DPYD: variants seen among roughly 807,000 people sequenced by gnomAD.
The protein encoded by DPYD is dihydropyrimidine dehydrogenase [NADP(+)].
A neutral mutation model predicts 116.2 loss-of-function variants in DPYD; 109 were observed. The observed-to-expected ratio is 0.94, with a 90% CI of 0.80 to 1.10. The LOEUF is 1.10. Among genes scored for constraint, DPYD ranks in the 50% least tolerant of loss-of-function variants. The pLI is 0.00. For synonymous variants in DPYD, 440 were observed against 432.0 expected (o/e 1.02, Z -0.23); for missense variants, 1,302 against 1,254.5 (o/e 1.04, Z -0.57).
chr1:97,805,670 A>C (rs10493895), intron 3 of DPYD, among the ~76,000 whole-genome samples: 24,879 of 151,578 alleles, frequency 0.16, 2,398 homozygotes, highest in Non-Finnish European at 0.22. Flanking sequence ...TTTTAGAGGC[A>C]TAAGAGATCT....
chr1:97,902,687 TATATA>T (rs1376782936), intron 1 of DPYD, among the ~76,000 whole-genome samples: 5 of 151,850 alleles, frequency 3.3e-5, no homozygotes, highest in African/African-American at 1.2e-4. Flanking sequence ...GGTATGTTGC[TATATA>T]ATAAGAGGTA....
At chr1:97,436,209 T>C (rs1261353204) in intron 14 of DPYD, among the ~76,000 whole-genome samples, 1 of 152,002 alleles carries the variant, frequency 6.6e-6, no homozygotes, top group East Asian at 1.9e-4. Context: ...TATGAAATAG[T>C]ACCAAATTGA....
intron 2 of DPYD, chr1:97,855,644 T>G (rs1281519085): frequency 6.6e-6 from 1 of 152,136 alleles, no homozygotes; most frequent in African/African-American, 2.4e-5. Context: ...GACAGAATGT[T>G]TCAGTTTTTA....
At chr1:97,886,632 G>A (rs1672500636) in intron 1 of DPYD, among the ~76,000 whole-genome samples, 1 of 152,030 alleles carries the variant, frequency 6.6e-6, no homozygotes, top group Non-Finnish European at 1.5e-5. Context: ...CAGTGGCCCA[G>A]AGATTTTTCC....
Position 97,193,051 on chromosome 1 carries a change from G to T in DPYD, c.2622+18C>A, listed in dbSNP as rs748019264. 2 of 1,613,392 alleles carry T rather than the reference G, an allele frequency of 1.2e-6. No homozygotes were observed. The highest frequency in any genetic ancestry group is 3.3e-5 in the Admixed American group (2 of 59,982). On this transcript the variant is annotated intron_variant, in intron 20 of 22. Transcript: ENST00000370192. ...AGGCTGAGTTCTCAAGAATAACACA[G>T]GAGATTTAAGCACATACCTTGTCCA...
chr1:97,194,893 G>A (rs909567424), intron 19 of DPYD, among the ~76,000 whole-genome samples: 1 of 152,134 alleles, frequency 6.6e-6, no homozygotes, highest in Non-Finnish European at 1.5e-5. Context: ...TGGAGTTAAG[G>A]AAGTTTGAAT....
rs949193316 is a variant in DPYD, at chr1:97,395,203, T to C, written c.1906-12742A>G. On this transcript the variant is annotated intron_variant, in intron 14 of 22. Coordinates refer to ENST00000370192, the MANE Select transcript of DPYD (RefSeq NM_000110.4). ...TTTAAATTATATATTTTAATATATA[T>C]TGTGCCTTTCTACATTCTAGAGACA... Among the ~76,000 whole-genome samples the C allele has an allele frequency of 1.8e-4, 27 of 150,876 alleles. 1 individual carries two copies. Among genetic ancestry groups the C allele is most frequent in the Middle Eastern group, 3.5e-3 (1 of 282 alleles).
rs1557929535 is a variant in DPYD, at chr1:97,195,632, G to GTGTA, written c.2443-2388_2443-2385dup. Reference sequence around the variant, plus strand: ...TATATATATGTATGTGTATATGTATGTGTATATATATATATATATATATAT... The same window carrying GTGTA: ...TATATATATGTATGTGTATATGTATGTGTATGTATATATATATATATATATATAT... On this transcript the variant is annotated intron_variant, in intron 19 of 22. Transcript: ENST00000370192. Among the ~76,000 whole-genome samples, 8 of 41,122 alleles carry GTGTA rather than the reference G, an allele frequency of 1.9e-4. 1 individual carries two copies. The highest frequency in any genetic ancestry group is 9.0e-4 in the South Asian group (1 of 1,106). The allele number at this position is 41,122 out of a possible 152,430, so 27.0% of individuals were successfully genotyped here.
At chr1:97,419,773 C>T (rs1417531093) in intron 14 of DPYD, among the ~76,000 whole-genome samples, 7 of 152,048 alleles carry the variant, frequency 4.6e-5, no homozygotes, top group Admixed American at 4.6e-4. Context: ...CAATTTTATC[C>T]ACTGAGTGAA....
Position 97,386,554 on chromosome 1 carries a change from C to T in DPYD, c.1906-4093G>A, listed in dbSNP as rs575449185. 6.6e-5 allele frequency among the ~76,000 whole-genome samples: 10 copies of T among 152,178 alleles called. No homozygotes were observed. The South Asian group carries it at 2.1e-3, about 32-fold the overall frequency. On this transcript the variant is annotated intron_variant, in intron 14 of 22. Transcript: ENST00000370192. Reference sequence around the variant, plus strand: ...CTTAAGGAAATTCTATTTTTACATTCTTGTTTCTATGATTTAACAGTCTTG... The same window carrying T: ...CTTAAGGAAATTCTATTTTTACATTTTTGTTTCTATGATTTAACAGTCTTG...
intron 19 of DPYD, among the ~76,000 whole-genome samples, chr1:97,195,525 A>G (rs1301213910): frequency 6.3e-5 from 1 of 15,810 alleles, no homozygotes; most frequent in African/African-American, 4.2e-4. Context: ...ATAAGGAGAG[A>G]GAGAGAGAGA....
chr1:97,745,790 TA>T (rs1047189326), intron 3 of DPYD, among the ~76,000 whole-genome samples: 9 of 152,012 alleles, frequency 5.9e-5, no homozygotes, highest in African/African-American at 2.2e-4. Context: ...AGGAAATAAC[TA>T]AAACACATTT....
At chr1:97,135,790 T>G (rs1194710602) in intron 20 of DPYD, among the ~76,000 whole-genome samples, 2 of 152,222 alleles carry the variant, frequency 1.3e-5, no homozygotes, top group Non-Finnish European at 2.9e-5. Context: ...GATAGCTGTC[T>G]TTTAAAAGCA....
At chr1:97,350,457 C>T (rs570397161) in intron 16 of DPYD, among the ~76,000 whole-genome samples, 1 of 152,180 alleles carries the variant, frequency 6.6e-6, no homozygotes, top group African/African-American at 2.4e-5. Flanking sequence ...ATATTTACTC[C>T]TCCATATATA....
intron 13 of DPYD, among the ~76,000 whole-genome samples, chr1:97,489,968 A>G (rs1169519268): frequency 6.6e-6 from 1 of 152,192 alleles, no homozygotes; most frequent in Non-Finnish European, 1.5e-5. Flanking sequence ...AAATGTATTT[A>G]GTACTTTCAT....
chr1:97,177,103 A>C (rs181639212), intron 20 of DPYD, among the ~76,000 whole-genome samples: 99 of 152,172 alleles, frequency 6.5e-4, no homozygotes, highest in Admixed American at 2.2e-3. Context: ...CAATTATCAC[A>C]CTATATTATT....
intron 5 of DPYD, among the ~76,000 whole-genome samples, chr1:97,713,030 T>C (rs956157151): frequency 2.6e-5 from 4 of 152,104 alleles, no homozygotes; most frequent in African/African-American, 9.7e-5. Context: ...AAGGTATTTA[T>C]ATTTCTTTTT....
At chr1:97,890,517 A>G (rs1672722663) in intron 1 of DPYD, among the ~76,000 whole-genome samples, 1 of 151,928 alleles carries the variant, frequency 6.6e-6, no homozygotes, top group Non-Finnish European at 1.5e-5. Flanking sequence ...TGTATTCCTT[A>G]TGATGAAATA....
chr1:97,759,553 T>G (rs2101122947), intron 3 of DPYD, among the ~76,000 whole-genome samples: 1 of 152,290 alleles, frequency 6.6e-6, no homozygotes, highest in Admixed American at 6.6e-5. Flanking sequence ...ATATTTCTCT[T>G]AGAAGACAAG....
Sources: gnomAD v4.1 joint callset for allele counts (sites outside exome capture counted in the v4.1 genomes callset) on GRCh38, gnomAD v4.1.1 for gene constraint, MANE v1.5 for transcripts, NCBI Gene and HGNC (gene_info 2026-07-23, HGNC 2026-07-21) for gene names.